NALF1: variants seen among roughly 807,000 people sequenced by gnomAD.
The protein encoded by NALF1 is NALCN channel auxiliary factor 1.
A neutral mutation model predicts 48.4 loss-of-function variants in NALF1; 3 were observed. The observed-to-expected ratio is 0.06, with a 90% CI of 0.03 to 0.16. The LOEUF is 0.16. NALF1 is among the 10% of genes least tolerant of loss of function. The pLI, the probability that NALF1 is intolerant of heterozygous loss-of-function variation, is 1.00. For missense variants in NALF1, 526 were observed against 571.5 expected (o/e 0.92, Z 0.81); for synonymous variants, 262 against 245.7 (o/e 1.07, Z -0.62).
Position 107,866,693 on chromosome 13 carries a change from T to C in NALF1, c.-97A>G. On this transcript the variant is annotated 5_prime_UTR_variant, in exon 1 of 3. Coordinates refer to ENST00000375915, the MANE Select transcript of NALF1 (RefSeq NM_001080396.3). The surrounding 1 kb of genome is among the most constrained non-coding windows in gnomAD (Gnocchi z 4.4). ...TGACTTAAAGGGTTTAATTTCCTTATCCCCTCCTCCCGTTTCTTCTCTCTC... is the reference window on the plus strand; with the variant it reads ...TGACTTAAAGGGTTTAATTTCCTTACCCCCTCCTCCCGTTTCTTCTCTCTC... The C allele has an allele frequency of 2.1e-6, 2 of 966,124 alleles. No individual in the cohort carries two copies. Among genetic ancestry groups the C allele is most frequent in the Non-Finnish European group, 3.1e-6 (2 of 649,508 alleles). The allele number at this position is 966,124 out of a possible 1,614,324, so 59.8% of individuals were successfully genotyped here.
chr13:107,262,769 G>GCGCGCGCT (rs36027059), intron 1 of NALF1, among the ~76,000 whole-genome samples: 3 of 144,120 alleles, frequency 2.1e-5, no homozygotes, highest in Admixed American at 7.0e-5. Context: ...ACCCACAGGC[G>GCGCGCGCT]CTCTCTCTCT....
At position 107,165,742 on chromosome 13, in the gene NALF1, T is replaced by C. The variant is rs1342670997; in HGVS notation, c.*4755A>G. ...CCCCACTGAAAGTCTTTTTATTCAT[T>C]GTCACCCAATACCTACCTGCTATAT... On this transcript the variant is annotated 3_prime_UTR_variant, in exon 3 of 3. Coordinates refer to ENST00000375915, the MANE Select transcript of NALF1 (RefSeq NM_001080396.3). 2.0e-5 allele frequency: 3 copies of C among 152,212 alleles called. No individual in the cohort carries two copies. The highest frequency in any genetic ancestry group is 7.2e-5 in the African/African-American group (3 of 41,462). The allele number at this position is 152,212 out of a possible 1,614,324, so 9.4% of individuals were successfully genotyped here.
intron 1 of NALF1, among the ~76,000 whole-genome samples, chr13:107,553,371 C>G (rs1473276316): frequency 1.3e-5 from 2 of 152,138 alleles, no homozygotes; most frequent in African/African-American, 4.8e-5. Context: ...CTGACCCGTT[C>G]CGTATTAGAC....
At chr13:107,267,190 C>G (rs1881058681) in intron 1 of NALF1, among the ~76,000 whole-genome samples, 1 of 152,188 alleles carries the variant, frequency 6.6e-6, no homozygotes. Flanking sequence ...AATAAATGCT[C>G]ACTGATCACG....
At chr13:107,729,890 A>G (rs77298900) in intron 1 of NALF1, among the ~76,000 whole-genome samples, 4,612 of 152,308 alleles carry the variant, frequency 0.03, 93 homozygotes, top group African/African-American at 0.058. Flanking sequence ...ACCTTGATAG[A>G]TATATGCCTA....
chr13:107,847,741 G>A (rs1427174588), intron 1 of NALF1, among the ~76,000 whole-genome samples: 1 of 152,136 alleles, frequency 6.6e-6, no homozygotes, highest in African/African-American at 2.4e-5. Flanking sequence ...CCTCAAATAA[G>A]ACCCCAACCC....
At chr13:107,710,779 G>GTA (rs1356838461) in intron 1 of NALF1, among the ~76,000 whole-genome samples, 2 of 45,442 alleles carry the variant, frequency 4.4e-5, no homozygotes, top group Non-Finnish European at 1.1e-4. Context: ...ACACATATGT[G>GTA]TGTATATACA....
chr13:107,822,918 T>A (rs1221254538), intron 1 of NALF1, among the ~76,000 whole-genome samples: 2 of 152,196 alleles, frequency 1.3e-5, no homozygotes, highest in Admixed American at 1.3e-4. Flanking sequence ...TTAATTCATT[T>A]TTCTGAGAAA....
chr13:107,820,632 T>C (rs770270045), intron 1 of NALF1, among the ~76,000 whole-genome samples: 5 of 152,206 alleles, frequency 3.3e-5, no homozygotes, highest in Non-Finnish European at 5.9e-5. Flanking sequence ...AGTTAATCTA[T>C]TTCCTCTTAT....
intron 1 of NALF1, among the ~76,000 whole-genome samples, chr13:107,740,081 C>G (rs1400989528): frequency 1.5e-4 from 23 of 152,150 alleles, no homozygotes; most frequent in Non-Finnish European, 2.2e-4. Flanking sequence ...ATCCTGAAAC[C>G]ATCCCTCTCC....
At chr13:107,585,304 A>T (rs1187916293) in intron 1 of NALF1, among the ~76,000 whole-genome samples, 1 of 152,132 alleles carries the variant, frequency 6.6e-6, no homozygotes, top group Non-Finnish European at 1.5e-5. Context: ...AATCAAGGCT[A>T]GCATGGCAAA....
intron 1 of NALF1, among the ~76,000 whole-genome samples, chr13:107,465,575 A>C (rs1884989208): frequency 6.6e-6 from 1 of 152,094 alleles, no homozygotes; most frequent in South Asian, 2.1e-4. Context: ...TGCATTCCTT[A>C]TGTAATGAGC....
intron 1 of NALF1, among the ~76,000 whole-genome samples, chr13:107,421,677 C>T (rs922028409): frequency 8.5e-5 from 13 of 152,068 alleles, no homozygotes; most frequent in East Asian, 5.8e-4. Flanking sequence ...CTTACCCTGA[C>T]GGCTATCACA....
Position 107,467,911 on chromosome 13 carries a change from G to A in NALF1, c.916-257156C>T, listed in dbSNP as rs899200288. ...ATAAATAAAAAAATTAGCCGGGCGT[G>A]GTGGCGGGCGCCTGTAGTCCCAGCT... On this transcript the variant is annotated intron_variant, in intron 1 of 2. Coordinates refer to ENST00000375915, the MANE Select transcript of NALF1 (RefSeq NM_001080396.3). 5.9e-5 allele frequency among the ~76,000 whole-genome samples: 9 copies of A among 152,178 alleles called. No individual in the cohort carries two copies. In the East Asian group the frequency reaches 1.7e-3, roughly 30 times the overall value.
At chr13:107,665,739 AG>A (rs1880842143) in intron 1 of NALF1, among the ~76,000 whole-genome samples, 2 of 152,158 alleles carry the variant, frequency 1.3e-5, no homozygotes, top group African/African-American at 4.8e-5. Flanking sequence ...AAATATACAA[AG>A]GGACACCGAA....
intron 1 of NALF1, among the ~76,000 whole-genome samples, chr13:107,539,943 G>A (rs1487958528): frequency 2.0e-5 from 3 of 151,990 alleles, no homozygotes; most frequent in East Asian, 1.9e-4. Flanking sequence ...CCTAAAGATA[G>A]CATAACTGTA....
At chr13:107,828,600 T>C (rs1879597838) in intron 1 of NALF1, among the ~76,000 whole-genome samples, 6 of 103,582 alleles carry the variant, frequency 5.8e-5, no homozygotes, top group South Asian at 3.6e-4. Flanking sequence ...TCTATATCTA[T>C]ATCTATACAC....
chr13:107,505,702 T>TA (rs1372223139), intron 1 of NALF1, among the ~76,000 whole-genome samples: 7 of 152,200 alleles, frequency 4.6e-5, no homozygotes, highest in Admixed American at 6.5e-5. Flanking sequence ...AAGTGCCTCT[T>TA]ACGTAAATAA....
At chr13:107,506,021 T>A (rs1232160843) in intron 1 of NALF1, among the ~76,000 whole-genome samples, 1 of 152,146 alleles carries the variant, frequency 6.6e-6, no homozygotes, top group Non-Finnish European at 1.5e-5. Context: ...TTATGGGTAA[T>A]TTACTTGATA....
Sources: allele counts gnomAD v4.1 joint callset (sites outside exome capture counted in the v4.1 genomes callset), GRCh38; gene constraint gnomAD v4.1.1; non-coding constraint Gnocchi (gnomAD v3.1); transcripts MANE v1.5; gene names NCBI Gene and HGNC (gene_info 2026-07-23, HGNC 2026-07-21).